Variants in CDH10 observed in about 807,000 individuals in gnomAD.
CDH10 encodes the protein cadherin 10, also known as cadherin-10.
CDH10 carries 30 observed loss-of-function variants against 73.1 expected under a neutral mutation model. The observed-to-expected ratio is 0.41, with a 90% CI of 0.31 to 0.56. The LOEUF (loss-of-function observed/expected upper bound fraction) is 0.56. Ranked by LOEUF, CDH10 falls within the 20% of genes least tolerant of loss-of-function variation. The pLI is 0.27. For missense variants in CDH10, 815 were observed against 973.7 expected (o/e 0.84, Z 2.17); for synonymous variants, 345 against 348.2 (o/e 0.99, Z 0.10).
At chr5:24,499,904 C>T (rs1742428233) in intron 8 of CDH10, among the ~76,000 whole-genome samples, 1 of 152,028 alleles carries the variant, frequency 6.6e-6, no homozygotes, top group Non-Finnish European at 1.5e-5. Context: ...ATATCAATAT[C>T]TCAGTCTTTG....
At chr5:24,543,388 A>C (rs1744225928) in intron 2 of CDH10, among the ~76,000 whole-genome samples, 1 of 152,206 alleles carries the variant, frequency 6.6e-6, no homozygotes, top group African/African-American at 2.4e-5. Context: ...AATTTCGATG[A>C]ATGAATCACA....
At chr5:24,547,746 C>T (rs1487698413) in intron 2 of CDH10, among the ~76,000 whole-genome samples, 1 of 152,120 alleles carries the variant, frequency 6.6e-6, no homozygotes, top group Non-Finnish European at 1.5e-5. Context: ...TGGAATTGAA[C>T]TTGAGGATTT....
chr5:24,536,892 AT>A (rs967059221), intron 3 of CDH10, among the ~76,000 whole-genome samples: 18 of 151,930 alleles, frequency 1.2e-4, no homozygotes, highest in Admixed American at 9.2e-4. Flanking sequence ...TAATGATAGG[AT>A]TTTTTTATGA....
intron 2 of CDH10, among the ~76,000 whole-genome samples, chr5:24,539,937 A>G (rs1194961617): frequency 2.0e-5 from 3 of 152,090 alleles, no homozygotes; most frequent in African/African-American, 7.2e-5. Context: ...ATAATTCAAG[A>G]AAAATTATTG....
chr5:24,593,004 T>C (rs549517950), intron 2 of CDH10, among the ~76,000 whole-genome samples: 30 of 151,874 alleles, frequency 2.0e-4, no homozygotes, highest in African/African-American at 7.2e-4. Context: ...AATTCTAAAA[T>C]TGCAGTTTTG....
In CDH10 at chr5:24,581,620, C is replaced by T. The variant is rs1044921102; in HGVS notation, c.231+11640G>A. ...TGCCCAGAAAATACTTGGTGTTCCA[C>T]GCCTGTTATGAATTTGTGAATGAAG... On this transcript the variant is annotated intron_variant, in intron 2 of 11. Coordinates refer to ENST00000264463, the MANE Select transcript of CDH10 (RefSeq NM_006727.5). Among the ~76,000 whole-genome samples the T allele has an allele frequency of 1.4e-4, 22 of 152,126 alleles. 1 individual carries two copies. The highest frequency in any genetic ancestry group is 1.2e-4 in the African/African-American group (5 of 41,420).
In CDH10 at chr5:24,551,641, T is replaced by C. The variant is rs1744548096; in HGVS notation, c.232-13967A>G. On this transcript the variant is annotated intron_variant, in intron 2 of 11. Coordinates refer to ENST00000264463, the MANE Select transcript of CDH10 (RefSeq NM_006727.5). ...CTTTCACCACGGAGATTTGCGTTTG[T>C]GTGAACATGTGTGTGGTGTGAGCAA... 1.3e-5 allele frequency among the ~76,000 whole-genome samples: 2 copies of C among 152,162 alleles called. 1 individual carries two copies. Among genetic ancestry groups the C allele is most frequent in the South Asian group, 4.1e-4 (2 of 4,834 alleles).
chr5:24,614,991 A>G (rs1258589977), intron 1 of CDH10, among the ~76,000 whole-genome samples: 1 of 152,144 alleles, frequency 6.6e-6, no homozygotes. Context: ...GAGCATCTAC[A>G]TATTCTGTTG....
intron 5 of CDH10, among the ~76,000 whole-genome samples, chr5:24,514,189 CTT>C (rs796152089): frequency 2.6e-5 from 4 of 152,270 alleles, no homozygotes; most frequent in African/African-American, 9.6e-5. Flanking sequence ...CACACACACT[CTT>C]AGTCCACATT....
At chr5:24,603,411 C>T (rs1746638831) in intron 1 of CDH10, among the ~76,000 whole-genome samples, 1 of 152,062 alleles carries the variant, frequency 6.6e-6, no homozygotes, top group South Asian at 2.1e-4. Context: ...GAAAAACAAC[C>T]TTTGTGAAGA....
chr5:24,499,177 A>G (rs977717850), intron 8 of CDH10, among the ~76,000 whole-genome samples: 29 of 152,198 alleles, frequency 1.9e-4, no homozygotes, highest in African/African-American at 7.0e-4. Context: ...ATGGCTACTT[A>G]TCTTACAAAC....
intron 2 of CDH10, among the ~76,000 whole-genome samples, chr5:24,591,267 T>A (rs1746192265): frequency 6.6e-6 from 1 of 151,992 alleles, no homozygotes; most frequent in African/African-American, 2.4e-5. Context: ...TTTCACAGAT[T>A]ATGACATGAA....
At chr5:24,522,488 TAAATAAAATAAAATA>T (rs149729376) in intron 5 of CDH10, among the ~76,000 whole-genome samples, 6 of 149,850 alleles carry the variant, frequency 4.0e-5, no homozygotes, top group Non-Finnish European at 1.5e-5. Flanking sequence ...AGCAAGAAAG[TAAATAAAATAAAATA>T]AAATAAAATA....
At chr5:24,629,562 T>A (rs768334158) in intron 1 of CDH10, among the ~76,000 whole-genome samples, 1 of 152,162 alleles carries the variant, frequency 6.6e-6, no homozygotes, top group Non-Finnish European at 1.5e-5. Flanking sequence ...CACCCAAATC[T>A]TATCTCAAAT....
intron 11 of CDH10, among the ~76,000 whole-genome samples, chr5:24,490,941 T>C (rs1340448881): frequency 6.6e-6 from 1 of 152,216 alleles, no homozygotes; most frequent in African/African-American, 2.4e-5. Context: ...CTTATTGAGA[T>C]TGATTAATGT....
intron 1 of CDH10, among the ~76,000 whole-genome samples, chr5:24,631,767 C>G (rs1284128752): frequency 6.6e-6 from 1 of 151,996 alleles, no homozygotes; most frequent in Non-Finnish European, 1.5e-5. Flanking sequence ...TCATCTACAT[C>G]CATTTCTCAA....
chr5:24,500,022 G>C (rs1344345415), intron 8 of CDH10, among the ~76,000 whole-genome samples: 1 of 152,166 alleles, frequency 6.6e-6, no homozygotes, highest in Non-Finnish European at 1.5e-5. Flanking sequence ...TAGCAGAATA[G>C]CTAGGGGACA....
chr5:24,635,943 G>T (rs1402870979), intron 1 of CDH10, among the ~76,000 whole-genome samples: 1 of 151,678 alleles, frequency 6.6e-6, no homozygotes, highest in Non-Finnish European at 1.5e-5. Flanking sequence ...AAAACACCAA[G>T]AATTTCTCAC....
chr5:24,638,491 C>A (rs1747940449), intron 1 of CDH10, among the ~76,000 whole-genome samples: 1 of 151,662 alleles, frequency 6.6e-6, no homozygotes, highest in South Asian at 2.1e-4. Flanking sequence ...TATGTCTGTG[C>A]TTAGGATTCA....
Sources: allele counts gnomAD v4.1 joint callset (sites outside exome capture counted in the v4.1 genomes callset), GRCh38; gene constraint gnomAD v4.1.1; transcripts MANE v1.5; gene names NCBI Gene and HGNC (gene_info 2026-07-23, HGNC 2026-07-21).